The following AP3B1 variants were observed in gnomAD, a reference collection of about 807,000 sequenced individuals.
AP3B1 encodes adaptor related protein complex 3 subunit beta 1.
In AP3B1, 61 loss-of-function variants were observed where a neutral mutation model predicts 132.5. That is an observed-to-expected ratio of 0.46 (90% CI 0.37 to 0.57). The LOEUF is 0.57. AP3B1 is among the 20% of genes least tolerant of loss of function. The probability of loss-of-function intolerance (pLI) is 0.00; values close to 1 mark genes in which losing one functional copy is unlikely to be tolerated. For missense variants in AP3B1, 1,120 were observed against 1,289.4 expected (o/e 0.87, Z 2.01); for synonymous variants, 388 against 438.3 (o/e 0.89, Z 1.43).
chr5:78,162,393 G>C (rs1743423268), intron 13 of AP3B1, among the ~76,000 whole-genome samples: 1 of 152,022 alleles, frequency 6.6e-6, no homozygotes, highest in South Asian at 2.1e-4. Flanking sequence ...GAATGTTGAA[G>C]GTATACAGTT....
At chr5:78,010,940 G>A (rs1039741376) in intron 26 of AP3B1, among the ~76,000 whole-genome samples, 2 of 151,850 alleles carry the variant, frequency 1.3e-5, no homozygotes, top group Admixed American at 6.6e-5. Flanking sequence ...AATGCTTTTT[G>A]ATGATGATGG....
At chr5:78,200,947 G>A (rs997501043) in intron 7 of AP3B1, among the ~76,000 whole-genome samples, 3 of 152,094 alleles carry the variant, frequency 2.0e-5, no homozygotes, top group African/African-American at 7.2e-5. Flanking sequence ...ACATTAAAAT[G>A]AGGCCATTAG....
At chr5:78,071,241 A>G (rs1173432055) in intron 22 of AP3B1, among the ~76,000 whole-genome samples, 1 of 152,260 alleles carries the variant, frequency 6.6e-6, no homozygotes, top group Non-Finnish European at 1.5e-5. Flanking sequence ...AAAAGGAACA[A>G]GATCATGTCC....
At chr5:78,238,194 T>C (rs1746963521) in intron 3 of AP3B1, among the ~76,000 whole-genome samples, 1 of 152,136 alleles carries the variant, frequency 6.6e-6, no homozygotes, top group African/African-American at 2.4e-5. Context: ...CAAACCCTAT[T>C]GTAAACTGCA....
At chr5:78,213,205 C>CT (rs1745822846) in intron 7 of AP3B1, among the ~76,000 whole-genome samples, 1 of 152,142 alleles carries the variant, frequency 6.6e-6, no homozygotes, top group South Asian at 2.1e-4. Context: ...AAAGCTAAAA[C>CT]TACCATGTGT....
At chr5:78,110,141 G>A (rs1216758789) in intron 20 of AP3B1, 66 bp downstream of exon 20, 9 of 1,349,818 alleles carry the variant, frequency 6.7e-6, no homozygotes, top group Non-Finnish European at 9.4e-6. Flanking sequence ...GATGAGGATG[G>A]TGTTGTCTAT....
In AP3B1 at chr5:78,294,448, T is replaced by C. The variant is rs754885511; in HGVS notation, c.128+4A>G. On this transcript the variant is annotated splice_donor_region_variant and intron_variant, in intron 1 of 26. Transcript: ENST00000255194. ...ATCCCCGCAACCCAAACCTTTCTCCTCACTTCTTCAAATCGCTGCTAAAGA... is the reference window on the plus strand; with the variant it reads ...ATCCCCGCAACCCAAACCTTTCTCCCCACTTCTTCAAATCGCTGCTAAAGA... The C allele has an allele frequency of 6.2e-7, 1 of 1,614,094 alleles. No homozygotes were observed. The highest frequency in any genetic ancestry group is 1.7e-5 in the Admixed American group (1 of 60,022).
chr5:78,247,995 C>T (rs1207112656), intron 2 of AP3B1, among the ~76,000 whole-genome samples: 3 of 151,876 alleles, frequency 2.0e-5, no homozygotes, highest in South Asian at 2.1e-4. Context: ...ATATAATTTA[C>T]TGGTTCCTCG....
chr5:78,230,139 T>G (rs541753945), intron 3 of AP3B1, among the ~76,000 whole-genome samples: 2 of 152,346 alleles, frequency 1.3e-5, no homozygotes, highest in South Asian at 4.1e-4. Flanking sequence ...TTTCCAAATG[T>G]ACTGCTGACC....
intron 26 of AP3B1, among the ~76,000 whole-genome samples, chr5:78,012,589 C>A (rs928546341): frequency 3.3e-5 from 5 of 152,132 alleles, no homozygotes; most frequent in African/African-American, 1.2e-4. Flanking sequence ...ACTTGAGAAG[C>A]AAGTTAAGAC....
intron 24 of AP3B1, among the ~76,000 whole-genome samples, chr5:78,026,577 CCA>C (rs2112077691): frequency 6.6e-6 from 1 of 152,296 alleles, no homozygotes; most frequent in African/African-American, 2.4e-5. Flanking sequence ...CATTATTCCC[CCA>C]CAGATTATCA....
At chr5:78,173,803 G>A (rs558885658) in intron 11 of AP3B1, among the ~76,000 whole-genome samples, 11 of 152,154 alleles carry the variant, frequency 7.2e-5, no homozygotes, top group African/African-American at 2.2e-4. Context: ...CATTCTCCCC[G>A]TCACTTTCAG....
intron 2 of AP3B1, among the ~76,000 whole-genome samples, chr5:78,247,749 G>A (rs1747438455): frequency 6.6e-6 from 1 of 151,930 alleles, no homozygotes. Context: ...TTCTTACAAA[G>A]AGCACAGTTG....
chr5:78,125,559 C>T (rs1178324345), intron 17 of AP3B1, among the ~76,000 whole-genome samples: 1 of 152,080 alleles, frequency 6.6e-6, no homozygotes, highest in Admixed American at 6.6e-5. Flanking sequence ...ATTGTAGCTG[C>T]ATTTAAAAAG....
chr5:78,236,637 T>C (rs775831424), intron 3 of AP3B1, among the ~76,000 whole-genome samples: 15 of 152,200 alleles, frequency 9.9e-5, no homozygotes, highest in South Asian at 2.1e-4. Context: ...ACAGGGTTAT[T>C]TGTGAGGATA....
intron 22 of AP3B1, among the ~76,000 whole-genome samples, chr5:78,041,040 C>T (rs1294044700): frequency 2.0e-5 from 3 of 152,152 alleles, no homozygotes; most frequent in Admixed American, 6.5e-5. Context: ...TTTGGGAGGC[C>T]GAGGTGGGTG....
chr5:78,200,837 T>C (rs1745260540), intron 7 of AP3B1, among the ~76,000 whole-genome samples: 1 of 152,124 alleles, frequency 6.6e-6, no homozygotes, highest in African/African-American at 2.4e-5. Flanking sequence ...AGCTTGGTTG[T>C]TATGGGCCAA....
At chr5:78,147,039 T>C (rs930171282) in intron 14 of AP3B1, among the ~76,000 whole-genome samples, 4 of 152,018 alleles carry the variant, frequency 2.6e-5, no homozygotes, top group African/African-American at 9.6e-5. Context: ...AATAAGTTTT[T>C]GATTACTTAA....
rs745776425 is a variant in AP3B1, at chr5:78,128,069, C to A, written c.1929G>T (p.Ala643=). 1.2e-6 allele frequency: 2 copies of A among 1,613,068 alleles called. No individual in the cohort carries two copies. The highest frequency in any genetic ancestry group is 1.7e-6 in the Non-Finnish European group (2 of 1,179,364). Residue 643 remains alanine (A), a synonymous_variant, in exon 17 of 27, where the codon GCG becomes GCT. Transcript: ENST00000255194. Reference sequence around the variant, plus strand: ...CTACATTTCGAACTGATGGGTCGGGCGCCACCTCTGGCCAATTAGATAATT... The same window carrying A: ...CTACATTTCGAACTGATGGGTCGGGAGCCACCTCTGGCCAATTAGATAATT... ...YLELSNWPEV[A]PDPSVRNVEV...
Sources: allele counts gnomAD v4.1 joint callset (sites outside exome capture counted in the v4.1 genomes callset), GRCh38; gene constraint gnomAD v4.1.1; transcripts MANE v1.5; gene names NCBI Gene and HGNC (gene_info 2026-07-23, HGNC 2026-07-21).